PCDH15: variants seen among roughly 807,000 people sequenced by gnomAD.
The protein encoded by PCDH15 is protocadherin related 15.
PCDH15 carries 129 observed loss-of-function variants against 178.5 expected under a neutral mutation model. That is an observed-to-expected ratio of 0.72 (90% CI 0.63 to 0.84). The LOEUF is 0.84. PCDH15 is among the 40% of genes least tolerant of loss of function. PCDH15 has a pLI of 0.00. For missense variants in PCDH15, 2,230 were observed against 2,099.9 expected (o/e 1.06, Z -1.21); for synonymous variants, 800 against 732.0 (o/e 1.09, Z -1.50).
intron 2 of PCDH15, among the ~76,000 whole-genome samples, chr10:54,906,854 A>C (rs1954731514): frequency 6.6e-6 from 1 of 152,176 alleles, no homozygotes; most frequent in Non-Finnish European, 1.5e-5. Context: ...CTGTTTTCTC[A>C]TAAGATTATT....
intron 2 of PCDH15, among the ~76,000 whole-genome samples, chr10:54,643,862 C>CA (rs752726642): frequency 6.4e-4 from 95 of 148,458 alleles, no homozygotes; most frequent in Non-Finnish European, 1.0e-3. Context: ...TACATGTGCA[C>CA]AATGTGCAGG....
chr10:55,072,327 T>C (rs1423127954), intron 2 of PCDH15, among the ~76,000 whole-genome samples: 1 of 151,570 alleles, frequency 6.6e-6, no homozygotes, highest in Non-Finnish European at 1.5e-5. Flanking sequence ...TGTGAAAGGA[T>C]CAACAAAATT....
intron 13 of PCDH15, among the ~76,000 whole-genome samples, chr10:54,167,491 C>T (rs562731419): frequency 1.3e-3 from 197 of 152,152 alleles, no homozygotes; most frequent in Middle Eastern, 6.8e-3. Context: ...ATTGCAGGGA[C>T]GCCTGATTAT....
At chr10:55,121,882 C>G (rs549139237) in intron 2 of PCDH15, among the ~76,000 whole-genome samples, 5 of 151,638 alleles carry the variant, frequency 3.3e-5, no homozygotes, top group African/African-American at 1.2e-4. Flanking sequence ...GCTTTGATCT[C>G]AAACTTCCCA....
At chr10:54,146,142 C>T (rs974087038) in intron 14 of PCDH15, among the ~76,000 whole-genome samples, 3 of 151,932 alleles carry the variant, frequency 2.0e-5, no homozygotes. Context: ...ATAGCCTCAT[C>T]ATTTTTTACT....
chr10:54,274,616 TTGTG>T (rs3069673), intron 8 of PCDH15, among the ~76,000 whole-genome samples: 11,048 of 144,614 alleles, frequency 0.076, 660 homozygotes, highest in African/African-American at 0.17. Flanking sequence ...CTCAGTTTAA[TTGTG>T]TGTGTGTGTG....
chr10:55,084,239 T>C (rs1001176115), intron 2 of PCDH15, among the ~76,000 whole-genome samples: 4 of 151,528 alleles, frequency 2.6e-5, no homozygotes, highest in African/African-American at 9.7e-5. Flanking sequence ...AAAAAAGACA[T>C]AGACCAATGG....
chr10:55,011,085 T>A (rs1840036207), intron 2 of PCDH15, among the ~76,000 whole-genome samples: 1 of 149,126 alleles, frequency 6.7e-6, no homozygotes, highest in African/African-American at 2.4e-5. Context: ...TAAACACAAA[T>A]AATCTCAAAT....
intron 3 of PCDH15, among the ~76,000 whole-genome samples, chr10:54,383,545 T>C (rs537158800): frequency 6.6e-6 from 1 of 151,940 alleles, no homozygotes; most frequent in African/African-American, 2.4e-5. Context: ...CTCAGAATAT[T>C]GCAATATTTT....
chr10:55,453,156 G>A (rs1016500058), intron 2 of PCDH15, among the ~76,000 whole-genome samples: 1 of 152,116 alleles, frequency 6.6e-6, no homozygotes, highest in East Asian at 1.9e-4. Context: ...TATTCCCTAT[G>A]AAGCATTTAG....
At chr10:54,023,940 AAC>A (rs2093005933) in intron 18 of PCDH15, among the ~76,000 whole-genome samples, 3 of 152,052 alleles carry the variant, frequency 2.0e-5, no homozygotes, top group South Asian at 2.1e-4. Flanking sequence ...GATGAAATAA[AAC>A]AGATTTGAAA....
chr10:53,981,939 C>A lies in PCDH15; in HGVS notation c.2868+13710G>T, dbSNP rs2090681373. On this transcript the variant is annotated intron_variant, in intron 21 of 37. Transcript: ENST00000644397. The stretch of plus-strand genomic sequence containing the variant: ...TACTCATCTGACAAAGGGCTAATAT[C>A]CAGAATCTACAATGAACTCAAACAA... 2.6e-5 allele frequency among the ~76,000 whole-genome samples: 4 copies of A among 151,680 alleles called. No homozygotes were observed. In the South Asian group the frequency reaches 8.3e-4, roughly 32 times the overall value.
At chr10:54,607,963 C>T (rs367906380) in intron 2 of PCDH15, 41 of 499,310 alleles carry the variant, frequency 8.2e-5, no homozygotes, top group East Asian at 3.7e-4. Context: ...CTAATACTTC[C>T]GCACTTTGGA....
intron 2 of PCDH15, among the ~76,000 whole-genome samples, chr10:55,042,535 G>T (rs1840889764): frequency 6.6e-6 from 1 of 152,060 alleles, no homozygotes; most frequent in South Asian, 2.1e-4. Flanking sequence ...AAAAGCAAGA[G>T]ACATTATTTA....
intron 2 of PCDH15, among the ~76,000 whole-genome samples, chr10:55,413,666 TA>T: frequency 6.6e-6 from 1 of 151,896 alleles, no homozygotes; most frequent in Non-Finnish European, 1.5e-5. Context: ...AATGCTATAG[TA>T]AATTTTGGAT....
chr10:54,398,800 C>G (rs1433977666), intron 3 of PCDH15, among the ~76,000 whole-genome samples: 1 of 151,910 alleles, frequency 6.6e-6, no homozygotes, highest in Non-Finnish European at 1.5e-5. Flanking sequence ...TTGCAGACAA[C>G]CAAGTATCCG....
chr10:53,889,641 A>T (rs1173510645), intron 26 of PCDH15, among the ~76,000 whole-genome samples: 2 of 152,178 alleles, frequency 1.3e-5, no homozygotes, highest in Non-Finnish European at 2.9e-5. Flanking sequence ...GTTTGATATT[A>T]TCTATCTATT....
intron 2 of PCDH15, among the ~76,000 whole-genome samples, chr10:54,616,629 C>T (rs985517876): frequency 1.2e-4 from 18 of 151,994 alleles, no homozygotes; most frequent in Admixed American, 3.3e-4. Flanking sequence ...AACTTTGATA[C>T]AAAGTACATG....
rs1379994321 is a variant in PCDH15 at position 54,357,508 on chromosome 10, A to G, written c.475-11024T>C. Among the ~76,000 whole-genome samples, 3 of 152,084 alleles carry G rather than the reference A, an allele frequency of 2.0e-5. No homozygotes were observed. The East Asian group carries it at 5.8e-4, about 29-fold the overall frequency. On this transcript the variant is annotated intron_variant, in intron 5 of 37. Coordinates refer to ENST00000644397, the MANE Select transcript of PCDH15 (RefSeq NM_001384140.1). Reference sequence around the variant, plus strand: ...ACTACAAACCACTGCTCAATGAAATAAAAGAGGATACAAACAAATGGAAGA... The same window carrying G: ...ACTACAAACCACTGCTCAATGAAATGAAAGAGGATACAAACAAATGGAAGA...
Sources: gnomAD v4.1 joint callset for allele counts (sites outside exome capture counted in the v4.1 genomes callset) on GRCh38, gnomAD v4.1.1 for gene constraint, MANE v1.5 for transcripts, NCBI Gene and HGNC (gene_info 2026-07-23, HGNC 2026-07-21) for gene names.